DDX51: variants seen among roughly 807,000 people sequenced by gnomAD.
The protein encoded by DDX51 is DEAD-box helicase 51, also known as ATP-dependent RNA helicase DDX51.
In DDX51, 67 loss-of-function variants were observed where a neutral mutation model predicts 74.6. The observed-to-expected ratio is 0.90, with a 90% CI of 0.74 to 1.10. DDX51 has a LOEUF of 1.10. Among genes scored for constraint, DDX51 ranks in the 50% least tolerant of loss-of-function variants. The probability of loss-of-function intolerance (pLI) is 0.00; values close to 1 mark genes in which losing one functional copy is unlikely to be tolerated. For synonymous variants in DDX51, 545 were observed against 402.9 expected, an observed-to-expected ratio of 1.35 and a Z score of -4.22; for missense variants, 1,056 against 905.2, an observed-to-expected ratio of 1.17 and a Z score of -2.14.
At chr12:132,143,236 A>G in intron 2 of DDX51, 2 of 401,272 alleles carry the variant, frequency 5.0e-6, no homozygotes, top group Non-Finnish European at 9.2e-6. Flanking sequence ...AAGTCTTTGC[A>G]TCCCAACTCA....
At position 132,139,254 on chromosome 12, in the gene DDX51, GGCCCTCTGAGCCCCAGCCTAGGCC is replaced by G. The variant is rs746360091; in HGVS notation, c.1995_*17del. 2.6e-5 allele frequency: 41 copies of G among 1,606,824 alleles called. No individual in the cohort carries two copies. The highest frequency in any genetic ancestry group is 5.9e-6 in the Non-Finnish European group (7 of 1,178,334). Reference sequence around the variant, plus strand: ...AGGGTGGTGAGCGTTCAGTCCCTCCGGCCCTCTGAGCCCCAGCCTAGGCCGCCCTCTGCTTGCGCTCTTCCTGTG... The same window carrying G: ...AGGGTGGTGAGCGTTCAGTCCCTCCGGCCCTCTGCTTGCGCTCTTCCTGTG... On this transcript the variant is annotated stop_lost and 3_prime_UTR_variant, in exon 15 of 15. Transcript: ENST00000397333.
At position 132,140,654 on chromosome 12, in the gene DDX51, G is replaced by C. The variant is rs765305835; in HGVS notation, c.1522C>G (p.Leu508Val). 6.2e-7 allele frequency: 1 copy of C among 1,612,962 alleles called. No homozygotes were observed. Among genetic ancestry groups the C allele is most frequent in the Non-Finnish European group, 8.5e-7 (1 of 1,180,016 alleles). Residue 508 changes from leucine (L) to valine (V), a missense_variant, in exon 10 of 15, where the codon CTC becomes GTC. Transcript: ENST00000397333. ...LVLEMGFSRV[L>V]CFTNSRENSH... ...TTCTCTCGGGAGTTAGTGAAGCAGAGAACCCTCGAGAAGCCCATCTCCAGG... is the reference window on the plus strand; with the variant it reads ...TTCTCTCGGGAGTTAGTGAAGCAGACAACCCTCGAGAAGCCCATCTCCAGG...
chr12:132,142,171 A>T lies in DDX51; in HGVS notation c.836T>A (p.Val279Asp). 1 of 1,556,372 alleles carries T rather than the reference A, an allele frequency of 6.4e-7. No individual in the cohort carries two copies. The highest frequency in any genetic ancestry group is 1.7e-4 in the Middle Eastern group (1 of 5,770). ...PVVQALLSRV[V>D]CHIRALVVLP... ...CACAACCAGGGCACGGATGTGGCAG[A>T]CCACTCTCGAAAGCAGGGCCTGAGG... is the stretch of plus-strand genomic sequence containing the variant. The change falls in exon 5 of 15, where the codon GTC (valine) becomes GAC (aspartate). Residue 279 changes from valine (V) to aspartate (D), a missense_variant. By Grantham distance (152) the Val-to-Asp change is radical. Coordinates refer to ENST00000397333, the MANE Select transcript of DDX51 (RefSeq NM_175066.4).
rs757652374 is a variant in DDX51 at position 132,142,404 on chromosome 12, G to A, written c.689C>T (p.Pro230Leu). The change falls in exon 4 of 15, where the codon CCT (proline) becomes CTT (leucine). Residue 230 changes from proline to leucine, a missense_variant. Pro to Leu is a moderately conservative substitution (Grantham distance 98). Transcript: ENST00000397333. ...SYFPVQAAVI[P>L]ALLESAACGF... Reference sequence around the variant, plus strand: ...ACAGGCTGCGCTCTCCAGGAGGGCAGGAATCACAGCTGCCTGGACTGGATG... The same window carrying A: ...ACAGGCTGCGCTCTCCAGGAGGGCAAGAATCACAGCTGCCTGGACTGGATG... 3.1e-6 allele frequency: 5 copies of A among 1,612,330 alleles called. No homozygotes were observed. Among genetic ancestry groups the A allele is most frequent in the Non-Finnish European group, 4.2e-6 (5 of 1,180,000 alleles).
chr12:132,138,323 C>CT lies in DDX51; in HGVS notation c.*948dup, dbSNP rs1277789295. ...AGGTTCACAAATCTGGGGAGGAGAG[C>CT]TTTTTTTTTGACGGAGTCTCACTCT... On this transcript the variant is annotated 3_prime_UTR_variant, in exon 15 of 15. Coordinates refer to ENST00000397333, the MANE Select transcript of DDX51 (RefSeq NM_175066.4). 1.9e-4 allele frequency: 29 copies of CT among 151,534 alleles called. No homozygotes were observed. The highest frequency in any genetic ancestry group is 6.3e-4 in the South Asian group (3 of 4,782). The allele number at this position is 151,534 out of a possible 1,614,324, so 9.4% of individuals were successfully genotyped here.
At chr12:132,143,634 C>CT in intron 2 of DDX51, 61 bp downstream of exon 2, 1 of 1,526,506 alleles carries the variant, frequency 6.6e-7, no homozygotes, top group Non-Finnish European at 8.8e-7. Context: ...GACCGCCGCA[C>CT]TTAAGAATCC....
In DDX51 at chr12:132,144,301, A is replaced by G. The variant is rs1270108856; in HGVS notation, c.-5T>C. 8 of 1,335,090 alleles carry G rather than the reference A, an allele frequency of 6.0e-6. No individual in the cohort carries two copies. The highest frequency in any genetic ancestry group is 1.5e-5 in the African/African-American group (1 of 64,702). The allele number at this position is 1,335,090 out of a possible 1,614,324, so 82.7% of individuals were successfully genotyped here. On this transcript the variant is annotated 5_prime_UTR_variant, in exon 1 of 15. Coordinates refer to ENST00000397333, the MANE Select transcript of DDX51 (RefSeq NM_175066.4). Reference sequence around the variant, plus strand: ...CGCGACGTAGAACAGCGCCATGGCCAGCCGCACGCCTGGGACTCGGGCGTG... The same window carrying G: ...CGCGACGTAGAACAGCGCCATGGCCGGCCGCACGCCTGGGACTCGGGCGTG...
Position 132,139,641 on chromosome 12 carries a change from A to G in DDX51, c.1968T>C (p.Ser656=). ...CGGACTCTGGTGCCCTTACCTTGAC[A>G]GACTCCTCCAGCTGGGACAGGGCCT... ...YEEALSQLEE[S]VKEERKQRAA Residue 656 remains serine, a synonymous_variant, in exon 14 of 15, where the codon TCT becomes TCC. Coordinates refer to ENST00000397333, the MANE Select transcript of DDX51 (RefSeq NM_175066.4). 6.2e-7 allele frequency: 1 copy of G among 1,613,090 alleles called. No individual in the cohort carries two copies. The highest frequency in any genetic ancestry group is 2.2e-5 in the East Asian group (1 of 44,868).
In DDX51 at chr12:132,142,197, G is replaced by C. The variant is rs749348909; in HGVS notation, c.817-7C>G. On this transcript the variant is annotated splice_polypyrimidine_tract_variant and splice_region_variant and intron_variant, in intron 4 of 14. Coordinates refer to ENST00000397333, the MANE Select transcript of DDX51 (RefSeq NM_175066.4). ...CCACTCTCGAAAGCAGGGCCTGAGG[G>C]GGAAGGAGCGCCTGCGTCAGCAAGG... 26 of 1,573,322 alleles carry C rather than the reference G, an allele frequency of 1.7e-5. No homozygotes were observed. Among genetic ancestry groups the C allele is most frequent in the Non-Finnish European group, 2.2e-5 (26 of 1,157,864 alleles).
At position 132,140,604 on chromosome 12, in the gene DDX51, C is replaced by A. The variant is rs764654964; in HGVS notation, c.1556+16G>T. 10 of 1,612,718 alleles carry A rather than the reference C, an allele frequency of 6.2e-6. No homozygotes were observed. In the East Asian group the frequency reaches 2.0e-4, roughly 32 times the overall value. On this transcript the variant is annotated intron_variant, in intron 10 of 14. Transcript: ENST00000397333. ...CAGAGGCCACCTCTGCCACCCCCGCCCAGCCGGGGCCTCACCTGTGGGAGT... is the reference window on the plus strand; with the variant it reads ...CAGAGGCCACCTCTGCCACCCCCGCACAGCCGGGGCCTCACCTGTGGGAGT...
At chr12:132,139,525 G>A (rs1179217484) in intron 14 of DDX51, 110 bp downstream of exon 14, 2 of 1,599,502 alleles carry the variant, frequency 1.3e-6, no homozygotes, top group Non-Finnish European at 1.7e-6. Context: ...GTGACCCTCT[G>A]TTGCCTTCTC....
Position 132,141,415 on chromosome 12 carries a change from G to C in DDX51, c.1110C>G (p.Ile370Met). 6.3e-7 allele frequency: 1 copy of C among 1,592,438 alleles called. No homozygotes were observed. The highest frequency in any genetic ancestry group is 8.5e-7 in the Non-Finnish European group (1 of 1,175,570). The change falls in exon 8 of 15, where the codon ATC (isoleucine) becomes ATG (methionine). Residue 370 changes from isoleucine (I) to methionine (M), a missense_variant. By Grantham distance (10) the Ile-to-Met change is conservative. Coordinates refer to ENST00000397333, the MANE Select transcript of DDX51 (RefSeq NM_175066.4). ...TGTCAATCATCCGGTCAGCCTCGTC[G>C]ATAATCTGCAGGAGACAGGGAGCCC... ...FSLQQLRFLI[I>M]DEADRMIDSM...
chr12:132,143,033 A>T (rs1897536837), intron 2 of DDX51, 155 bp from the exon 3 acceptor site: 1 of 967,538 alleles, frequency 1.0e-6, no homozygotes, highest in Admixed American at 2.2e-5. Context: ...CAGCCTTCAG[A>T]AGTTAAACAG....
intron 2 of DDX51, 74 bp from the exon 3 acceptor site, chr12:132,142,952 C>T: frequency 6.3e-7 from 1 of 1,597,766 alleles, no homozygotes. Context: ...GTGGAAAAAG[C>T]TAGGGGAGGG....
rs958805647 is a variant in DDX51 at position 132,140,838 on chromosome 12, C to G, written c.1433G>C (p.Gly478Ala). Residue 478 changes from glycine (G) to alanine (A), a missense_variant, in exon 9 of 15, where the codon GGG (glycine) becomes GCG (alanine). Transcript: ENST00000397333. Reference protein sequence around the residue: ...GDSGKYAFPVGLTHHYVPCSL... With the variant: ...GDSGKYAFPVALTHHYVPCSL... ...ACACGGTATCCCACTCACCGTGAGC[C>G]CAACAGGAAAGGCATACTTCCCCGA... 4 of 1,613,560 alleles carry G rather than the reference C, an allele frequency of 2.5e-6. No homozygotes were observed. The South Asian group carries it at 4.4e-5, about 18-fold the overall frequency.
intron 4 of DDX51, 34 bp from the exon 5 acceptor site, chr12:132,142,224 T>C: frequency 2.5e-6 from 4 of 1,596,932 alleles, no homozygotes; most frequent in South Asian, 1.1e-5. Context: ...TCAGCAAGGC[T>C]GTTACCTGTC....
In DDX51 at chr12:132,139,687, G is replaced by A. The variant is rs201039066; in HGVS notation, c.1922C>T (p.Pro641Leu). ...RHELSSKLLQ[P>L]LVPRYEEALS... The stretch of plus-strand genomic sequence containing the variant: ...GGCCTCCTCGTACCGAGGAACCAGC[G>A]GCTGCAGCAGCTTGCTGGAGAGCTC... Residue 641 changes from proline (P) to leucine (L), a missense_variant, in exon 14 of 15, where the codon CCG (proline) becomes CTG (leucine). By Grantham distance (98) the Pro-to-Leu change is moderately conservative (BLOSUM62 -3). Transcript: ENST00000397333. 165 of 1,613,008 alleles carry A rather than the reference G, an allele frequency of 1.0e-4. 2 individuals carry two copies. Among genetic ancestry groups the A allele is most frequent in the South Asian group, 7.4e-4 (67 of 91,082 alleles).
At position 132,142,395 on chromosome 12, in the gene DDX51, A is replaced by T. The variant is rs758461688; in HGVS notation, c.698T>A (p.Leu233Gln). The change falls in exon 4 of 15, where the codon CTG (leucine) becomes CAG (glutamine). Residue 233 changes from leucine to glutamine, a missense_variant. Transcript: ENST00000397333. ...PVQAAVIPALLESAACGFLVG... is the reference protein window; with the variant it reads ...PVQAAVIPALQESAACGFLVG... ...CAGAAACCCACAGGCTGCGCTCTCC[A>T]GGAGGGCAGGAATCACAGCTGCCTG... 6.2e-6 allele frequency: 10 copies of T among 1,612,628 alleles called. No homozygotes were observed. The highest frequency in any genetic ancestry group is 8.5e-6 in the Non-Finnish European group (10 of 1,179,980).
rs763450175 is a variant in DDX51, at chr12:132,139,627, G to A, written c.1974+8C>T. 1.2e-5 allele frequency: 20 copies of A among 1,613,022 alleles called. No individual in the cohort carries two copies. Among genetic ancestry groups the A allele is most frequent in the East Asian group, 2.2e-5 (1 of 44,892 alleles). On this transcript the variant is annotated splice_region_variant and intron_variant, in intron 14 of 14. Coordinates refer to ENST00000397333, the MANE Select transcript of DDX51 (RefSeq NM_175066.4). ...AGAGGGTTTCATGCCGGACTCTGGTGCCCTTACCTTGACAGACTCCTCCAG... is the reference window on the plus strand; with the variant it reads ...AGAGGGTTTCATGCCGGACTCTGGTACCCTTACCTTGACAGACTCCTCCAG...
Sources: gnomAD v4.1 joint callset for allele counts on GRCh38, gnomAD v4.1.1 for gene constraint, MANE v1.5 for transcripts, NCBI Gene and HGNC (gene_info 2026-07-23, HGNC 2026-07-21) for gene names.